The following BAZ2B variants were observed in gnomAD, a reference collection of about 807,000 sequenced individuals.
BAZ2B encodes bromodomain adjacent to zinc finger domain 2B, also known as bromodomain adjacent to zinc finger domain protein 2B.
Under a neutral mutation model 246.0 loss-of-function variants are expected in BAZ2B, and 91 were observed. The ratio of observed to expected loss-of-function variants is 0.37; its 90% confidence interval spans 0.31 to 0.44. The LOEUF (loss-of-function observed/expected upper bound fraction) is 0.44. Among genes scored for constraint, BAZ2B ranks in the 20% least tolerant of loss-of-function variants. The pLI is 1.00. For missense variants in BAZ2B, 2,332 were observed against 2,533.7 expected, an observed-to-expected ratio of 0.92 and a Z score of 1.71; for synonymous variants, 855 against 860.0, an observed-to-expected ratio of 0.99 and a Z score of 0.10.
the BAZ2B span, among the ~76,000 whole-genome samples, chr2:159,650,461 ACC>A: frequency 6.6e-6 from 1 of 152,150 alleles, no homozygotes; most frequent in South Asian, 2.1e-4. Context: ...AAAACATTGT[ACC>A]CAATGCCCCA....
the BAZ2B span, among the ~76,000 whole-genome samples, chr2:159,668,543 GCTTT>G: frequency 6.6e-6 from 1 of 152,086 alleles, no homozygotes; most frequent in East Asian, 1.9e-4. Flanking sequence ...TTTGTCTACT[GCTTT>G]CTCTTTTATC....
chr2:159,627,332 C>T, the BAZ2B span, among the ~76,000 whole-genome samples: 1 of 151,498 alleles, frequency 6.6e-6, no homozygotes, highest in Non-Finnish European at 1.5e-5. Context: ...CGAGCATCAT[C>T]CTGATACCAA....
rs1444505017 is a variant in BAZ2B at position 159,492,095 on chromosome 2, C to T, written c.-2-13374G>A. On this transcript the variant is annotated intron_variant, in intron 2 of 36. Transcript: ENST00000392783. ...TTATAGGCTTACTTATTTCTCAAAA[C>T]TTACTTTCTCTGTATTTCCAATCAA... Among the ~76,000 whole-genome samples the T allele has an allele frequency of 3.9e-5, 6 of 152,308 alleles. No homozygotes were observed. The East Asian group carries it at 1.2e-3, about 29-fold the overall frequency.
At chr2:159,667,436 A>C in the BAZ2B span, among the ~76,000 whole-genome samples, 3 of 151,854 alleles carry the variant, frequency 2.0e-5, no homozygotes, top group Non-Finnish European at 2.9e-5. Context: ...TCTCTACTAA[A>C]AATGCAAAAA....
intron 20 of BAZ2B, among the ~76,000 whole-genome samples, chr2:159,390,027 A>G (rs1304084898): frequency 6.6e-6 from 1 of 152,106 alleles, no homozygotes; most frequent in Non-Finnish European, 1.5e-5. Flanking sequence ...GAAATAACTG[A>G]CTTGTCTCTC....
chr2:159,693,340 A>G, the BAZ2B span: 1 of 151,330 alleles, frequency 6.6e-6, no homozygotes, highest in African/African-American at 2.4e-5. Flanking sequence ...TGGATCCTTG[A>G]TATTCTTTTC....
At chr2:159,405,638 A>G (rs2149809492) in intron 14 of BAZ2B, among the ~76,000 whole-genome samples, 1 of 152,356 alleles carries the variant, frequency 6.6e-6, no homozygotes, top group East Asian at 1.9e-4. Context: ...TAATCAAATT[A>G]TTTCATCAAA....
At chr2:159,504,297 T>C (rs909197623) in intron 2 of BAZ2B, among the ~76,000 whole-genome samples, 5 of 152,156 alleles carry the variant, frequency 3.3e-5, no homozygotes, top group African/African-American at 4.8e-5. Flanking sequence ...TATCTCCCAA[T>C]GGCCTCTTAA....
chr2:159,470,455 T>C (rs2150782613), intron 3 of BAZ2B, among the ~76,000 whole-genome samples: 1 of 152,374 alleles, frequency 6.6e-6, no homozygotes, highest in African/African-American at 2.4e-5. Context: ...AATTATATTG[T>C]ACATAAATCA....
chr2:159,406,798 A>T (rs1011857530), intron 14 of BAZ2B, among the ~76,000 whole-genome samples: 9 of 151,688 alleles, frequency 5.9e-5, no homozygotes, highest in Admixed American at 3.3e-4. Flanking sequence ...CTCTGTTCCC[A>T]GGCTGGAGTG....
intron 33 of BAZ2B, among the ~76,000 whole-genome samples, chr2:159,333,433 G>T (rs1475192307): frequency 2.0e-5 from 3 of 152,040 alleles, no homozygotes; most frequent in Non-Finnish European, 4.4e-5. Context: ...CTTTAAATCT[G>T]CAAAAAGAAG....
At chr2:159,543,535 CTT>C (rs199527937) in intron 2 of BAZ2B, among the ~76,000 whole-genome samples, 11 of 127,264 alleles carry the variant, frequency 8.6e-5, no homozygotes, top group Non-Finnish European at 1.2e-4. Context: ...CTTAACAATT[CTT>C]TTTTTTTTTT....
At chr2:159,392,228 A>G (rs2063422080) in intron 20 of BAZ2B, 1 of 152,346 alleles carries the variant, frequency 6.6e-6, no homozygotes, top group South Asian at 2.1e-4. Context: ...AAAATGGCTA[A>G]TACCCTCTTT....
At chr2:159,562,779 A>G (rs2090001845) in intron 1 of BAZ2B, among the ~76,000 whole-genome samples, 1 of 152,192 alleles carries the variant, frequency 6.6e-6, no homozygotes, top group African/African-American at 2.4e-5. Flanking sequence ...TTGCCTGATT[A>G]TAGAAATTTT....
the BAZ2B span, chr2:159,712,216 G>T: frequency 6.6e-6 from 1 of 151,952 alleles, no homozygotes; most frequent in Non-Finnish European, 1.5e-5. Flanking sequence ...GACTATAGAC[G>T]GGCGGGGACC....
chr2:159,400,988 C>G (rs553643033), intron 16 of BAZ2B, among the ~76,000 whole-genome samples: 155 of 151,936 alleles, frequency 1.0e-3, no homozygotes, highest in East Asian at 7.0e-3. Flanking sequence ...AGCTTGCAGT[C>G]AGCCAAGATG....
In BAZ2B at chr2:159,446,940, A is replaced by G. The variant is rs1265565843; in HGVS notation, c.538T>C (p.Ser180Pro). ...ACAGATGTGTTGATACCAATTACAGATGATGTATTACTTCCATTTATTGAC... is the reference window on the plus strand; with the variant it reads ...ACAGATGTGTTGATACCAATTACAGGTGATGTATTACTTCCATTTATTGAC... ...NGSINGSNTS[S>P]VIGINTSVLS... Residue 180 changes from serine to proline, a missense_variant, in exon 6 of 37, where the codon TCT becomes CCT. Coordinates refer to ENST00000392783, the MANE Select transcript of BAZ2B (RefSeq NM_013450.4). The G allele has an allele frequency of 6.3e-7, 1 of 1,593,960 alleles. No individual in the cohort carries two copies. The highest frequency in any genetic ancestry group is 1.8e-5 in the Admixed American group (1 of 55,312).
intron 35 of BAZ2B, 57 bp downstream of exon 35, chr2:159,325,596 C>G (rs1323209682): frequency 1.4e-5 from 21 of 1,520,136 alleles, no homozygotes; most frequent in Non-Finnish European, 1.8e-5. Flanking sequence ...TAAAAGGTTT[C>G]TAAACAAATA....
At chr2:159,454,331 G>C (rs2075455389) in intron 3 of BAZ2B, among the ~76,000 whole-genome samples, 1 of 152,084 alleles carries the variant, frequency 6.6e-6, no homozygotes, top group Non-Finnish European at 1.5e-5. Context: ...TTAATGATGG[G>C]GATGCATTCT....
Sources: allele counts gnomAD v4.1 joint callset (sites outside exome capture counted in the v4.1 genomes callset), GRCh38; gene constraint gnomAD v4.1.1; transcripts MANE v1.5; gene names NCBI Gene and HGNC (gene_info 2026-07-23, HGNC 2026-07-21).